Variants in PDE4D observed in about 807,000 individuals in gnomAD.
PDE4D encodes phosphodiesterase 4D, also known as 3',5'-cyclic-AMP phosphodiesterase 4D.
Under a neutral mutation model 87.4 loss-of-function variants are expected in PDE4D, and 24 were observed. That is an observed-to-expected ratio of 0.27 (90% CI 0.20 to 0.39). PDE4D has a LOEUF of 0.39. Ranked by LOEUF, PDE4D falls within the 10% of genes least tolerant of loss-of-function variation. The probability of loss-of-function intolerance (pLI) is 1.00; values close to 1 mark genes in which losing one functional copy is unlikely to be tolerated. For synonymous variants in PDE4D, 384 were observed against 383.2 expected, an observed-to-expected ratio of 1.00 and a Z score of -0.02; for missense variants, 714 against 1,041.0, an observed-to-expected ratio of 0.69 and a Z score of 4.32.
At chr5:59,118,807 C>A (rs1316687812) in intron 5 of PDE4D, among the ~76,000 whole-genome samples, 3 of 152,140 alleles carry the variant, frequency 2.0e-5, no homozygotes, top group Non-Finnish European at 4.4e-5. Flanking sequence ...CCTGGTTTAT[C>A]CCCAAGAAGT....
At chr5:60,117,291 C>T (rs931315317) in intron 2 of PDE4D, among the ~76,000 whole-genome samples, 5 of 151,882 alleles carry the variant, frequency 3.3e-5, no homozygotes, top group African/African-American at 1.2e-4. Flanking sequence ...CCATTTTCTC[C>T]TATAAGGCCT....
At chr5:59,917,009 G>A (rs1754136458) in intron 3 of PDE4D, among the ~76,000 whole-genome samples, 1 of 113,720 alleles carries the variant, frequency 8.8e-6, no homozygotes, top group South Asian at 2.8e-4. Context: ...TCATCATTTT[G>A]GCCAGGCTGG....
intron 1 of PDE4D, among the ~76,000 whole-genome samples, chr5:60,503,201 A>C (rs981178435): frequency 6.6e-6 from 1 of 152,040 alleles, no homozygotes; most frequent in Non-Finnish European, 1.5e-5. Flanking sequence ...AATCCACGAT[A>C]CTCCTTTCCC....
intron 2 of PDE4D, chr5:60,127,743 C>T (rs1779236662): frequency 3.6e-6 from 2 of 551,358 alleles, no homozygotes; most frequent in African/African-American, 1.9e-5. Flanking sequence ...CTCTGAAACA[C>T]TCAATGGAAG....
intron 1 of PDE4D, among the ~76,000 whole-genome samples, chr5:60,372,302 C>T (rs1293379950): frequency 6.6e-6 from 1 of 152,234 alleles, no homozygotes; most frequent in Admixed American, 6.5e-5. Flanking sequence ...CAGCTCCTCT[C>T]TGGTTACCAC....
intron 6 of PDE4D, chr5:59,002,189 T>C: frequency 2.8e-6 from 1 of 353,378 alleles, no homozygotes; most frequent in South Asian, 2.2e-5. Flanking sequence ...GAAAAAATGA[T>C]TTTCCCAGGT....
chr5:59,971,379 T>TAAATAAATAAATAAATAAAA (rs1048999749), intron 3 of PDE4D, among the ~76,000 whole-genome samples: 2 of 148,594 alleles, frequency 1.3e-5, no homozygotes, highest in Non-Finnish European at 3.0e-5. Flanking sequence ...AATAAATAAA[T>TAAATAAATAAATAAATAAAA]AAAAAAGAGA....
chr5:59,039,464 C>T (rs965902034), intron 5 of PDE4D: 2 of 990,986 alleles, frequency 2.0e-6, no homozygotes, highest in Non-Finnish European at 2.4e-6. Flanking sequence ...GCCTTCTGCA[C>T]GGCACTTGAA....
intron 1 of PDE4D, among the ~76,000 whole-genome samples, chr5:59,237,303 G>C (rs1365654778): frequency 1.3e-5 from 2 of 152,022 alleles, no homozygotes; most frequent in Non-Finnish European, 2.9e-5. Context: ...TTGAGGTTGG[G>C]GGTCTCCATA....
At chr5:59,408,784 C>G (rs1792156402) in intron 1 of PDE4D, among the ~76,000 whole-genome samples, 1 of 152,152 alleles carries the variant, frequency 6.6e-6, no homozygotes, top group Admixed American at 6.5e-5. Context: ...GATTTAATGA[C>G]TGTCCTGTTG....
At chr5:59,449,348 G>T (rs1240437493) in intron 1 of PDE4D, among the ~76,000 whole-genome samples, 3 of 152,142 alleles carry the variant, frequency 2.0e-5, no homozygotes, top group Admixed American at 6.5e-5. Context: ...AAAAGTTTGT[G>T]CTGGAAATTT....
At chr5:59,240,600 T>G (rs1273970204) in intron 1 of PDE4D, among the ~76,000 whole-genome samples, 1 of 152,160 alleles carries the variant, frequency 6.6e-6, no homozygotes, top group African/African-American at 2.4e-5. Flanking sequence ...AACACAAGTA[T>G]AGTATCCCAA....
intron 1 of PDE4D, among the ~76,000 whole-genome samples, chr5:59,889,229 A>T (rs1303861794): frequency 1.2e-5 from 1 of 86,268 alleles, no homozygotes; most frequent in Non-Finnish European, 2.4e-5. Context: ...GACTCTGTCT[A>T]AAAAAAAAAA....
chr5:59,712,181 T>C (rs949401944), intron 1 of PDE4D, among the ~76,000 whole-genome samples: 4 of 151,806 alleles, frequency 2.6e-5, no homozygotes, highest in African/African-American at 9.7e-5. Context: ...AACAAAGTTA[T>C]CCTAGAGCAG....
At chr5:60,417,623 G>A (rs1408580712) in intron 1 of PDE4D, among the ~76,000 whole-genome samples, 1 of 152,182 alleles carries the variant, frequency 6.6e-6, no homozygotes, top group Non-Finnish European at 1.5e-5. Context: ...AAGGCAGGTG[G>A]CAACAGGAAT....
chr5:59,113,524 T>C (rs890197000), intron 5 of PDE4D, among the ~76,000 whole-genome samples: 4 of 152,256 alleles, frequency 2.6e-5, no homozygotes, highest in Admixed American at 2.0e-4. Flanking sequence ...AGAAATTGTG[T>C]CTTTTTTGTT....
intron 1 of PDE4D, among the ~76,000 whole-genome samples, chr5:59,689,827 G>A (rs113540684): frequency 0.085 from 12,979 of 152,072 alleles, 1,727 homozygotes; most frequent in African/African-American, 0.29. Flanking sequence ...AAACCCCATC[G>A]TCTCAGCCCA....
intron 1 of PDE4D, among the ~76,000 whole-genome samples, chr5:59,401,740 G>C (rs1406690904): frequency 6.6e-6 from 1 of 152,230 alleles, no homozygotes; most frequent in Non-Finnish European, 1.5e-5. Context: ...AGAAAAGGGA[G>C]AGGGAACAGC....
intron 1 of PDE4D, among the ~76,000 whole-genome samples, chr5:59,892,896 CCACACACACACACACACACA>C (rs70975348): frequency 6.9e-6 from 1 of 143,886 alleles, no homozygotes; most frequent in African/African-American, 2.6e-5. Context: ...AGCGCGCGCA[CCACACACACACACACACACA>C]CACACACACA....
Sources: gnomAD v4.1 joint callset for allele counts (sites outside exome capture counted in the v4.1 genomes callset) on GRCh38, gnomAD v4.1.1 for gene constraint, MANE v1.5 for transcripts, NCBI Gene and HGNC (gene_info 2026-07-23, HGNC 2026-07-21) for gene names.